Variants in SCN3B observed in about 807,000 individuals in gnomAD.
The protein encoded by SCN3B is sodium channel regulatory subunit beta-3.
In SCN3B, 11 loss-of-function variants were observed where a neutral mutation model predicts 25.4. The observed-to-expected ratio is 0.43, with a 90% CI of 0.27 to 0.72. The LOEUF (loss-of-function observed/expected upper bound fraction) is 0.72, where lower values mean the gene tolerates loss of function less well. Among genes scored for constraint, SCN3B ranks in the 30% least tolerant of loss-of-function variants. SCN3B has a pLI of 0.18. For synonymous variants in SCN3B, 109 were observed against 110.7 expected, an observed-to-expected ratio of 0.99 and a Z score of 0.09; for missense variants, 218 against 278.3, an observed-to-expected ratio of 0.78 and a Z score of 1.54.
At chr11:123,644,719 G>A (rs1054976004) in intron 3 of SCN3B, among the ~76,000 whole-genome samples, 12 of 149,386 alleles carry the variant, frequency 8.0e-5, no homozygotes, top group Admixed American at 6.0e-4. Flanking sequence ...TACAGTAAGC[G>A]AGATCACACC....
chr11:123,634,324 G>A, intron 5 of SCN3B, 118 bp from the exon 6 acceptor site: 1 of 812,246 alleles, frequency 1.2e-6, no homozygotes, highest in Non-Finnish European at 2.1e-6. Flanking sequence ...ATTTCCTTCT[G>A]CTGTGTTTCT....
At position 123,654,165 on chromosome 11, in the gene SCN3B, C is replaced by T. The variant is rs67792557; in HGVS notation, c.-26+61G>A. 1,354 of 398,160 alleles carry T rather than the reference C, an allele frequency of 3.4e-3. 15 individuals are homozygous for T. The highest frequency in any genetic ancestry group is 0.026 in the African/African-American group (1,276 of 48,860). The allele number at this position is 398,160 out of a possible 1,614,324, so 24.7% of individuals were successfully genotyped here. On this transcript the variant is annotated intron_variant, in intron 1 of 6. Transcript: ENST00000299333. ...GTTTGCGCCCAGGGTAAGCTCAGCTCGGAAGGGAGTCGCACTGCTGGCCTA... is the reference window on the plus strand; with the variant it reads ...GTTTGCGCCCAGGGTAAGCTCAGCTTGGAAGGGAGTCGCACTGCTGGCCTA...
At chr11:123,648,599 A>G (rs1307118962) in intron 2 of SCN3B, among the ~76,000 whole-genome samples, 1 of 150,872 alleles carries the variant, frequency 6.6e-6, no homozygotes, top group African/African-American at 2.4e-5. Context: ...GCTGTGAGAA[A>G]AAATAAAACA....
At chr11:123,649,617 T>C (rs1848037904) in intron 2 of SCN3B, among the ~76,000 whole-genome samples, 1 of 150,694 alleles carries the variant, frequency 6.6e-6, no homozygotes. Flanking sequence ...CTTTTTCTTT[T>C]CTTTCTTTTT....
At chr11:123,652,569 C>T (rs1955939310) in intron 2 of SCN3B, among the ~76,000 whole-genome samples, 1 of 152,214 alleles carries the variant, frequency 6.6e-6, no homozygotes, top group African/African-American at 2.4e-5. Context: ...TCATGCCAAC[C>T]ATGGGAACAT....
At chr11:123,644,571 A>C (rs1442719806) in intron 3 of SCN3B, among the ~76,000 whole-genome samples, 2 of 152,084 alleles carry the variant, frequency 1.3e-5, no homozygotes, top group Non-Finnish European at 2.9e-5. Context: ...CAGGAGTTTG[A>C]GACCAGCCTG....
chr11:123,641,175 A>G lies in SCN3B; in HGVS notation c.445+1271T>C, dbSNP rs1294573952. The G allele has an allele frequency of 2.6e-5, 4 of 152,516 alleles. No homozygotes were observed. The East Asian group carries it at 7.7e-4, about 29-fold the overall frequency. The allele number at this position is 152,516 out of a possible 1,614,324, so 9.4% of individuals were successfully genotyped here. On this transcript the variant is annotated intron_variant, in intron 4 of 6. Transcript: ENST00000299333. The stretch of plus-strand genomic sequence containing the variant: ...CCCACCCCCCAGAGGAAAGGCGTGT[A>G]ACAAACGGGGGATAAAGGAACTTCA...
chr11:123,647,228 C>T (rs1955863991), intron 2 of SCN3B, among the ~76,000 whole-genome samples: 1 of 152,134 alleles, frequency 6.6e-6, no homozygotes, highest in Non-Finnish European at 1.5e-5. Flanking sequence ...GCAATCCCAG[C>T]ACTTTGGGAG....
chr11:123,647,266 A>C (rs1955864482), intron 2 of SCN3B, among the ~76,000 whole-genome samples: 1 of 152,098 alleles, frequency 6.6e-6, no homozygotes, highest in Admixed American at 6.5e-5. Context: ...GCTTGATGTT[A>C]GGGGTCTGAG....
At chr11:123,645,555 G>A in intron 3 of SCN3B, 32 bp downstream of exon 3, 1 of 1,612,864 alleles carries the variant, frequency 6.2e-7, no homozygotes, top group Non-Finnish European at 8.5e-7. Context: ...GAGGCCAGCA[G>A]AAGAAAGGCC....
rs1231234040 is a variant in SCN3B at position 123,633,381 on chromosome 11, A to C, written c.*418T>G. 1 of 152,614 alleles carries C rather than the reference A, an allele frequency of 6.6e-6. No individual in the cohort carries two copies. The highest frequency in any genetic ancestry group is 1.5e-5 in the Non-Finnish European group (1 of 68,372). The allele number at this position is 152,614 out of a possible 1,614,324, so 9.5% of individuals were successfully genotyped here. A position where few individuals can be genotyped will look rare whatever the true frequency, so the allele number is the denominator to read the frequency against. On this transcript the variant is annotated 3_prime_UTR_variant, in exon 7 of 7. Transcript: ENST00000299333. ...TAATCACTCCTGCTTCCTTCTATTA[A>C]GACTTCCATTCTCTTGCAGTAATGG...
At chr11:123,646,480 A>G (rs1955854631) in intron 2 of SCN3B, among the ~76,000 whole-genome samples, 2 of 152,188 alleles carry the variant, frequency 1.3e-5, no homozygotes, top group Non-Finnish European at 2.9e-5. Context: ...TGAAAACTGT[A>G]GGTAATTCTG....
intron 2 of SCN3B, among the ~76,000 whole-genome samples, chr11:123,648,460 T>G (rs1310865644): frequency 6.6e-6 from 1 of 152,234 alleles, no homozygotes; most frequent in Non-Finnish European, 1.5e-5. Flanking sequence ...ACTGAGTGCC[T>G]TCTGGGTGCC....
intron 3 of SCN3B, among the ~76,000 whole-genome samples, chr11:123,644,800 A>AGAGAGAGAGAGAATAT (rs1272015067): frequency 4.4e-5 from 2 of 45,576 alleles, no homozygotes; most frequent in African/African-American, 1.6e-4. Flanking sequence ...AGAGAGAGAG[A>AGAGAGAGAGAGAATAT]ATATATATAT....
intron 5 of SCN3B, among the ~76,000 whole-genome samples, chr11:123,636,840 C>T (rs989727457): frequency 6.6e-6 from 1 of 151,908 alleles, no homozygotes; most frequent in East Asian, 1.9e-4. Flanking sequence ...ACTACAGGCA[C>T]CCGCCACCAT....
At chr11:123,638,525 G>A in intron 4 of SCN3B, 1 of 649,326 alleles carries the variant, frequency 1.5e-6, no homozygotes, top group South Asian at 1.9e-5. Flanking sequence ...CAGGGAAGAG[G>A]GAGTGGGATG....
chr11:123,637,370 A>G (rs1955740863), intron 5 of SCN3B, among the ~76,000 whole-genome samples: 1 of 152,232 alleles, frequency 6.6e-6, no homozygotes, highest in African/African-American at 2.4e-5. Context: ...AAACAGTTCA[A>G]TGAGATAGAA....
At chr11:123,643,330 A>C (rs1409603799) in intron 3 of SCN3B, among the ~76,000 whole-genome samples, 1 of 152,180 alleles carries the variant, frequency 6.6e-6, no homozygotes, top group African/African-American at 2.4e-5. Flanking sequence ...ATTTTAACTA[A>C]AATATCATCT....
chr11:123,637,692 C>A (rs1224122928), intron 5 of SCN3B, among the ~76,000 whole-genome samples: 1 of 151,990 alleles, frequency 6.6e-6, no homozygotes, highest in East Asian at 1.9e-4. Context: ...CCATGCCCAG[C>A]TAATTTTTTA....
Sources: allele counts gnomAD v4.1 joint callset (sites outside exome capture counted in the v4.1 genomes callset), GRCh38; gene constraint gnomAD v4.1.1; transcripts MANE v1.5; gene names NCBI Gene and HGNC (gene_info 2026-07-23, HGNC 2026-07-21).